The following HGSNAT variants were observed in gnomAD, a reference collection of about 807,000 sequenced individuals.
HGSNAT encodes the protein transmembrane protein 76.
In HGSNAT, 59 loss-of-function variants were observed where a neutral mutation model predicts 85.2. The observed-to-expected ratio is 0.69, with a 90% CI of 0.56 to 0.86. The LOEUF is 0.86. HGSNAT is among the 40% of genes least tolerant of loss of function. The pLI is 0.00. For missense variants in HGSNAT, 756 were observed against 777.1 expected (o/e 0.97, Z 0.32); for synonymous variants, 321 against 304.5 (o/e 1.05, Z -0.56).
At chr8:43,166,010 T>C (rs1340536940) in intron 5 of HGSNAT, among the ~76,000 whole-genome samples, 1 of 152,138 alleles carries the variant, frequency 6.6e-6, no homozygotes, top group Admixed American at 6.6e-5. Context: ...ATGGTCTGGA[T>C]AGAAGATCAA....
intron 2 of HGSNAT, among the ~76,000 whole-genome samples, chr8:43,147,981 G>A (rs1408548395): frequency 6.6e-6 from 1 of 152,106 alleles, no homozygotes; most frequent in Non-Finnish European, 1.5e-5. Flanking sequence ...AGTGGCTCAC[G>A]CCTGTAATCT....
At chr8:43,154,091 T>C (rs1803009861) in intron 2 of HGSNAT, among the ~76,000 whole-genome samples, 1 of 152,238 alleles carries the variant, frequency 6.6e-6, no homozygotes. Context: ...TTGATCTTTA[T>C]TGTAGAATCC....
rs747875081 is a variant in HGSNAT, at chr8:43,199,375, C to G, written c.1727-13C>G. On this transcript the variant is annotated splice_polypyrimidine_tract_variant and intron_variant, in intron 17 of 17. Coordinates refer to ENST00000379644, the MANE Select transcript of HGSNAT (RefSeq NM_152419.3). ...GTGAGAAACATGATCTTCTGTATGT[C>G]TCTCTCCTTAAGGAATGAATTCCAT... is the stretch of plus-strand genomic sequence containing the variant. 17 of 1,548,318 alleles carry G rather than the reference C, an allele frequency of 1.1e-5. No individual in the cohort carries two copies. In the Admixed American group the frequency reaches 3.1e-4, roughly 28 times the overall value.
intron 10 of HGSNAT, among the ~76,000 whole-genome samples, chr8:43,178,997 TC>T (rs1803917619): frequency 6.7e-6 from 1 of 148,316 alleles, no homozygotes; most frequent in Non-Finnish European, 1.5e-5. Context: ...ATGAAAAGTC[TC>T]CCATGTCTAC....
intron 5 of HGSNAT, among the ~76,000 whole-genome samples, chr8:43,168,901 G>A (rs1803519867): frequency 6.6e-6 from 1 of 152,128 alleles, no homozygotes; most frequent in South Asian, 2.1e-4. Context: ...ACGGGGAATA[G>A]TTACCTCATT....
At chr8:43,140,839 G>C (rs1002167831) in intron 1 of HGSNAT, among the ~76,000 whole-genome samples, 3 of 152,036 alleles carry the variant, frequency 2.0e-5, no homozygotes, top group African/African-American at 7.2e-5. Flanking sequence ...GGGGCGGTTC[G>C]GACCGCGGCG....
intron 13 of HGSNAT, 47 bp downstream of exon 13, chr8:43,192,477 A>G (rs140586087): frequency 1.4e-4 from 212 of 1,544,774 alleles, no homozygotes; most frequent in Non-Finnish European, 1.8e-4. Flanking sequence ...AGGCTTTCAG[A>G]AGTGAAGGAA....
At position 43,160,279 on chromosome 8, in the gene HGSNAT, T is replaced by C. The variant is rs1803229604; in HGVS notation, c.494-1159T>C. On this transcript the variant is annotated intron_variant, in intron 4 of 17. Transcript: ENST00000379644. ...GAGGGAAAATTCTGTGGAGAAGAATTCCAGGTAATAAATACAGCAAAAGGG... is the reference window on the plus strand; with the variant it reads ...GAGGGAAAATTCTGTGGAGAAGAATCCCAGGTAATAAATACAGCAAAAGGG... Among the ~76,000 whole-genome samples, 3 of 152,192 alleles carry C rather than the reference T, an allele frequency of 2.0e-5. No homozygotes were observed. The South Asian group carries it at 6.2e-4, about 32-fold the overall frequency.
intron 14 of HGSNAT, chr8:43,194,352 T>A: frequency 1.0e-6 from 1 of 965,598 alleles, no homozygotes; most frequent in East Asian, 1.2e-4. Flanking sequence ...GAGCCTTGAT[T>A]GCACCACTGC....
intron 5 of HGSNAT, among the ~76,000 whole-genome samples, chr8:43,168,548 C>T (rs924680830): frequency 6.6e-6 from 1 of 151,806 alleles, no homozygotes; most frequent in Non-Finnish European, 1.5e-5. Context: ...AGGCGTGTAC[C>T]ACCACATCTG....
Position 43,178,193 on chromosome 8 carries a change from T to A in HGSNAT, c.971T>A (p.Ile324Lys), listed in dbSNP as rs763747957. 4 of 1,580,752 alleles carry A rather than the reference T, an allele frequency of 2.5e-6. No individual in the cohort carries two copies. The highest frequency in any genetic ancestry group is 3.4e-6 in the Non-Finnish European group (4 of 1,166,750). The change falls in exon 10 of 18, where the codon ATA (isoleucine) becomes AAA (lysine). Residue 324 changes from isoleucine (I) to lysine (K), a missense_variant. Ile to Lys is a moderately radical substitution (Grantham distance 102). Transcript: ENST00000379644. ...TGGAGGAGTTTCCTGTTAATCTGCA[T>A]AGGAATTATCATTGTGAATCCCAAT... is the stretch of plus-strand genomic sequence containing the variant. ...IAWRSFLLICIGIIIVNPNYC... is the reference protein window; with the variant it reads ...IAWRSFLLICKGIIIVNPNYC...
rs758826519 is a variant in HGSNAT at position 43,178,216 on chromosome 8, A to G, written c.994A>G (p.Asn332Asp). ...ICIGIIIVNP[N>D]YCLGPLSWDK... ...CATAGGAATTATCATTGTGAATCCC[A>G]ATTATTGCCTTGGTCCATGTAAGTA... Residue 332 changes from asparagine to aspartate, a missense_variant, in exon 10 of 18, where the codon AAT (asparagine) becomes GAT (aspartate). By Grantham distance (23) the Asn-to-Asp change is conservative (BLOSUM62 1). Coordinates refer to ENST00000379644, the MANE Select transcript of HGSNAT (RefSeq NM_152419.3). 1 of 1,550,412 alleles carries G rather than the reference A, an allele frequency of 6.4e-7. No individual in the cohort carries two copies. The highest frequency in any genetic ancestry group is 2.1e-5 in the Admixed American group (1 of 47,978).
In HGSNAT at chr8:43,197,733, A is replaced by G. The variant is rs766428610; in HGVS notation, c.1604A>G (p.Lys535Arg). 3.7e-6 allele frequency: 6 copies of G among 1,612,864 alleles called. No individual in the cohort carries two copies. Among genetic ancestry groups the G allele is most frequent in the Non-Finnish European group, 5.1e-6 (6 of 1,178,836 alleles). The change falls in exon 16 of 18, where the codon AAA becomes AGA. Residue 535 changes from lysine to arginine, a missense_variant. Coordinates refer to ENST00000379644, the MANE Select transcript of HGSNAT (RefSeq NM_152419.3). ...AATGAAGGCTTTATTCCAGTAAACA[A>G]AAATCTCTGGTATGTATGGAAAAAG... is the stretch of plus-strand genomic sequence containing the variant. ...SENEGFIPVNKNLWSLSYVTT... is the reference protein window; with the variant it reads ...SENEGFIPVNRNLWSLSYVTT...
chr8:43,144,981 G>C (rs1192914576), intron 1 of HGSNAT, among the ~76,000 whole-genome samples: 1 of 152,164 alleles, frequency 6.6e-6, no homozygotes, highest in Non-Finnish European at 1.5e-5. Flanking sequence ...GCATTATGAA[G>C]TTCAAACAGC....
In HGSNAT at chr8:43,197,929, C is replaced by T; in HGVS notation, c.1703C>T (p.Thr568Ile). 6.2e-7 allele frequency: 1 copy of T among 1,613,444 alleles called. No individual in the cohort carries two copies. Among genetic ancestry groups the T allele is most frequent in the Non-Finnish European group, 8.5e-7 (1 of 1,179,504 alleles). ...GTTGTGGATGTGAAGGGGCTGTGGA[C>T]AGGAACCCCATTCTTTTATCCAGGT... ...YPVVDVKGLW[T>I]GTPFFYPGMN... The change falls in exon 17 of 18, where the codon ACA becomes ATA. Residue 568 changes from threonine to isoleucine, a missense_variant. Coordinates refer to ENST00000379644, the MANE Select transcript of HGSNAT (RefSeq NM_152419.3).
At chr8:43,196,730 C>T (rs543573162) in intron 14 of HGSNAT, 30 of 589,412 alleles carry the variant, frequency 5.1e-5, no homozygotes, top group South Asian at 5.0e-4. Flanking sequence ...GATGCCTCCT[C>T]CTCCCCAGAG....
intron 1 of HGSNAT, among the ~76,000 whole-genome samples, chr8:43,144,399 G>T (rs1328305317): frequency 1.3e-5 from 2 of 152,062 alleles, no homozygotes; most frequent in African/African-American, 4.8e-5. Context: ...GCATTGGTTG[G>T]ATGTGGCCTG....
chr8:43,174,640 G>T (rs990164572), intron 9 of HGSNAT, among the ~76,000 whole-genome samples: 8 of 152,054 alleles, frequency 5.3e-5, no homozygotes, highest in Admixed American at 3.3e-4. Flanking sequence ...TTAAATTTTT[G>T]TGGGTACATA....
At chr8:43,181,035 T>C (rs1804076649) in intron 10 of HGSNAT, among the ~76,000 whole-genome samples, 1 of 107,114 alleles carries the variant, frequency 9.3e-6, no homozygotes, top group African/African-American at 3.6e-5. Context: ...TGAGCCGAGA[T>C]GGCAGCAGTA....
Sources: gnomAD v4.1 joint callset for allele counts (sites outside exome capture counted in the v4.1 genomes callset) on GRCh38, gnomAD v4.1.1 for gene constraint, MANE v1.5 for transcripts, NCBI Gene and HGNC (gene_info 2026-07-23, HGNC 2026-07-21) for gene names.